Variants in EDARADD observed in about 807,000 individuals in gnomAD.
EDARADD encodes EDAR associated via death domain.
Under a neutral mutation model 25.6 loss-of-function variants are expected in EDARADD, and 20 were observed. That is an observed-to-expected ratio of 0.78 (90% CI 0.55 to 1.14). The LOEUF (loss-of-function observed/expected upper bound fraction) is 1.14. Among genes scored for constraint, EDARADD ranks in the 50% most tolerant of loss-of-function variants. The pLI is 0.00. For missense variants in EDARADD, 225 were observed against 270.1 expected (o/e 0.83, Z 1.17); for synonymous variants, 86 against 94.4 (o/e 0.91, Z 0.52).
At chr1:236,441,958 T>C (rs1658414294) in intron 4 of EDARADD, among the ~76,000 whole-genome samples, 1 of 152,022 alleles carries the variant, frequency 6.6e-6, no homozygotes, top group South Asian at 2.1e-4. Flanking sequence ...AACATAAAAG[T>C]GTGAGATAAA....
chr1:236,423,167 T>A (rs1042496413), intron 3 of EDARADD, among the ~76,000 whole-genome samples: 5 of 152,176 alleles, frequency 3.3e-5, no homozygotes, highest in Non-Finnish European at 7.3e-5. Flanking sequence ...GGCCCAAATT[T>A]ACATTGAGCT....
intron 5 of EDARADD, among the ~76,000 whole-genome samples, chr1:236,474,949 A>G (rs960797055): frequency 2.6e-5 from 4 of 152,166 alleles, no homozygotes; most frequent in African/African-American, 9.7e-5. Context: ...CCTGGCTAAC[A>G]TGGTGAAACC....
chr1:236,434,206 A>T (rs1658181218), intron 4 of EDARADD, among the ~76,000 whole-genome samples: 1 of 152,030 alleles, frequency 6.6e-6, no homozygotes, highest in Non-Finnish European at 1.5e-5. Context: ...GCCCAACACA[A>T]ATCTGTAAAT....
At chr1:236,390,742 C>T (rs958057061), upstream of EDARADD, among the ~76,000 whole-genome samples, 1 of 152,238 alleles carries the variant, frequency 6.6e-6, no homozygotes. Context: ...ATCCTACACA[C>T]AGCTGCTGGA....
At chr1:236,362,312 G>A (rs1224584677) in intron 3 of EDARADD, among the ~76,000 whole-genome samples, 3 of 152,200 alleles carry the variant, frequency 2.0e-5, no homozygotes, top group Admixed American at 1.3e-4. Context: ...GATGTTGAGC[G>A]TCTATTTGTG....
intron 3 of EDARADD, among the ~76,000 whole-genome samples, chr1:236,366,066 C>T (rs942697416): frequency 1.3e-5 from 2 of 152,142 alleles, no homozygotes; most frequent in Non-Finnish European, 2.9e-5. Flanking sequence ...ACAGATATAA[C>T]GCTAACATCG....
At chr1:236,405,942 T>C (rs1021617008) in intron 1 of EDARADD, among the ~76,000 whole-genome samples, 17 of 142,906 alleles carry the variant, frequency 1.2e-4, no homozygotes, top group East Asian at 4.1e-4. Context: ...CTTTTTTTTT[T>C]CTGCTCATTC....
chr1:236,417,132 A>G (rs1314569638), intron 3 of EDARADD, among the ~76,000 whole-genome samples: 3 of 152,070 alleles, frequency 2.0e-5, no homozygotes, highest in Non-Finnish European at 2.9e-5. Context: ...AAATAAATAA[A>G]TAAATAAATA....
chr1:236,383,807 C>A (rs920136886), intron 3 of EDARADD, among the ~76,000 whole-genome samples: 2 of 151,986 alleles, frequency 1.3e-5, no homozygotes, highest in Non-Finnish European at 2.9e-5. Context: ...AGCTGGAGAC[C>A]AGCCTGGGCA....
upstream of EDARADD, among the ~76,000 whole-genome samples, chr1:236,390,618 A>C (rs1667410844): frequency 6.6e-6 from 1 of 152,192 alleles, no homozygotes; most frequent in African/African-American, 2.4e-5. Flanking sequence ...TGGAAAAAAA[A>C]TTCTGATATG....
rs945853160 is a variant in EDARADD at position 236,395,375 on chromosome 1, G to GGAGGGAGGTACC, written c.61+877_61+888dup. 154 of 1,373,272 alleles carry GGAGGGAGGTACC rather than the reference G, an allele frequency of 1.1e-4. No homozygotes were observed. In the African/African-American group the frequency reaches 2.2e-3, roughly 19 times the overall value. The allele number at this position is 1,373,272 out of a possible 1,614,324, so 85.1% of individuals were successfully genotyped here. ...ACCCCGGCTCCCGCCCCGCGCCTCT[G>GGAGGGAGGTACC]GAGGGAGGTACCGAGGGACGCGCAG... On this transcript the variant is annotated intron_variant, in intron 1 of 5. Transcript: ENST00000334232. This position sits in a 1 kb window ranked among gnomAD's most constrained non-coding sequence, Gnocchi z 6.9.
chr1:236,424,401 A>G (rs1657857528), intron 3 of EDARADD, among the ~76,000 whole-genome samples: 1 of 151,974 alleles, frequency 6.6e-6, no homozygotes, highest in Non-Finnish European at 1.5e-5. Flanking sequence ...GCCCTCAAGC[A>G]ACCCTCCCAT....
At chr1:236,405,889 C>CCT (rs1215800934) in intron 1 of EDARADD, among the ~76,000 whole-genome samples, 2 of 38,746 alleles carry the variant, frequency 5.2e-5, no homozygotes, top group African/African-American at 1.7e-4. Flanking sequence ...TTCTTTCTTT[C>CCT]TTTCTTTCTT....
rs1286252755 is a variant in EDARADD at position 236,472,648 on chromosome 1, G to C, written c.265+4372G>C. On this transcript the variant is annotated intron_variant, in intron 5 of 5. Transcript: ENST00000334232. ...GGCTCAAGCAATTCTCCTGAAAAAG[G>C]CTGTTGGTTATTAATGCTTCCCCAC... Among the ~76,000 whole-genome samples the C allele has an allele frequency of 4.6e-5, 7 of 152,184 alleles. No individual in the cohort carries two copies. In the East Asian group the frequency reaches 1.2e-3, roughly 25 times the overall value.
At chr1:236,419,629 T>G (rs1484118908) in intron 3 of EDARADD, among the ~76,000 whole-genome samples, 1 of 152,014 alleles carries the variant, frequency 6.6e-6, no homozygotes, top group Non-Finnish European at 1.5e-5. Context: ...TAAGGCGGTC[T>G]GGGGGAGAGC....
chr1:236,353,609 C>T (rs886558509), intron 3 of EDARADD, among the ~76,000 whole-genome samples: 11 of 140,110 alleles, frequency 7.9e-5, no homozygotes, highest in Admixed American at 3.1e-4. Context: ...ACCCGGGAGG[C>T]GGAGGTTGCA....
intron 2 of EDARADD, among the ~76,000 whole-genome samples, chr1:236,413,113 C>T (rs533986554): frequency 5.3e-5 from 8 of 152,340 alleles, no homozygotes; most frequent in African/African-American, 1.7e-4. Flanking sequence ...ATCTGCCTGC[C>T]TCAGCCTCCC....
intron 5 of EDARADD, among the ~76,000 whole-genome samples, chr1:236,476,789 T>C (rs1394524840): frequency 2.0e-5 from 3 of 152,110 alleles, no homozygotes; most frequent in African/African-American, 7.2e-5. Flanking sequence ...CCTCCCAAAG[T>C]ACTGGGATTA....
At chr1:236,381,310 TTTTTA>T (rs936394851) in intron 3 of EDARADD, among the ~76,000 whole-genome samples, 4 of 152,002 alleles carry the variant, frequency 2.6e-5, no homozygotes, top group South Asian at 2.1e-4. Context: ...TTCATTTTTA[TTTTTA>T]TTTTATTTTA....
Sources: allele counts gnomAD v4.1 joint callset (sites outside exome capture counted in the v4.1 genomes callset), GRCh38; gene constraint gnomAD v4.1.1; non-coding constraint Gnocchi (gnomAD v3.1); transcripts MANE v1.5; gene names NCBI Gene and HGNC (gene_info 2026-07-23, HGNC 2026-07-21).